Variants in OXR1 observed in about 807,000 individuals in gnomAD.
The protein encoded by OXR1 is oxidation resistance protein 1.
In OXR1, 41 loss-of-function variants were observed where a neutral mutation model predicts 104.6. The ratio of observed to expected loss-of-function variants is 0.39; its 90% CI spans 0.31 to 0.51. The LOEUF (loss-of-function observed/expected upper bound fraction) is 0.51, where lower values mean the gene tolerates loss of function less well. Ranked by LOEUF, OXR1 falls within the 20% of genes least tolerant of loss-of-function variation. The pLI is 0.77. For synonymous variants in OXR1, 348 were observed against 348.4 expected (o/e 1.00, Z 0.01); for missense variants, 955 against 1,031.9 (o/e 0.93, Z 1.02).
intron 2 of OXR1, among the ~76,000 whole-genome samples, chr8:106,452,034 C>T (rs1388825499): frequency 2.6e-5 from 4 of 152,194 alleles, no homozygotes; most frequent in South Asian, 4.1e-4. Context: ...GTTTGGGGTC[C>T]CAGAGGCTAG....
At chr8:106,367,345 G>A (rs1816516331) in intron 2 of OXR1, among the ~76,000 whole-genome samples, 1 of 151,998 alleles carries the variant, frequency 6.6e-6, no homozygotes, top group African/African-American at 2.4e-5. Flanking sequence ...TTACAGACAT[G>A]AGCCACCACG....
chr8:106,359,881 A>C (rs1209378807), intron 2 of OXR1, among the ~76,000 whole-genome samples: 1 of 152,164 alleles, frequency 6.6e-6, no homozygotes, highest in African/African-American at 2.4e-5. Flanking sequence ...GTGACCTCCA[A>C]TACCTTTCTT....
At chr8:106,470,164 T>C (rs1292502081) in intron 2 of OXR1, among the ~76,000 whole-genome samples, 1 of 151,792 alleles carries the variant, frequency 6.6e-6, no homozygotes, top group Non-Finnish European at 1.5e-5. Context: ...GGACTTTGGT[T>C]ATTTTTCAGA....
At chr8:106,650,598 A>G (rs1036231323) in intron 3 of OXR1, among the ~76,000 whole-genome samples, 3 of 152,316 alleles carry the variant, frequency 2.0e-5, no homozygotes, top group Non-Finnish European at 4.4e-5. Flanking sequence ...TTTAACTTAA[A>G]AAATCATTTT....
At chr8:106,280,217 T>C (rs1812220649) in intron 1 of OXR1, among the ~76,000 whole-genome samples, 1 of 152,182 alleles carries the variant, frequency 6.6e-6, no homozygotes, top group African/African-American at 2.4e-5. Context: ...CTTGAGTGTA[T>C]TATCTCAACA....
At chr8:106,403,085 G>T (rs1383045498) in intron 2 of OXR1, among the ~76,000 whole-genome samples, 3 of 152,292 alleles carry the variant, frequency 2.0e-5, no homozygotes, top group Admixed American at 2.0e-4. Context: ...CTCCCGAAGG[G>T]GTCCTGATTC....
At chr8:106,637,923 G>A (rs368624549) in intron 3 of OXR1, among the ~76,000 whole-genome samples, 146 of 151,956 alleles carry the variant, frequency 9.6e-4, no homozygotes, top group African/African-American at 3.3e-3. Flanking sequence ...CACCATGCCC[G>A]GCTACTTTTT....
intron 2 of OXR1, among the ~76,000 whole-genome samples, chr8:106,437,962 G>A (rs939967018): frequency 7.2e-5 from 11 of 152,094 alleles, no homozygotes; most frequent in Non-Finnish European, 1.5e-4. Context: ...ACTACTGGGG[G>A]CTTATACACT....
chr8:106,317,917 T>C (rs1336306321), intron 1 of OXR1, among the ~76,000 whole-genome samples: 1 of 152,094 alleles, frequency 6.6e-6, no homozygotes, highest in Non-Finnish European at 1.5e-5. Context: ...ATCTTCCTTC[T>C]GCTCATGAAA....
intron 3 of OXR1, among the ~76,000 whole-genome samples, chr8:106,644,760 T>C (rs1823935531): frequency 6.6e-6 from 1 of 152,158 alleles, no homozygotes; most frequent in Non-Finnish European, 1.5e-5. Flanking sequence ...TCGGAAGTCA[T>C]TGTGTGACTC....
At chr8:106,675,330 A>G (rs1453497656) in intron 3 of OXR1, among the ~76,000 whole-genome samples, 1 of 152,192 alleles carries the variant, frequency 6.6e-6, no homozygotes, top group Non-Finnish European at 1.5e-5. Flanking sequence ...GGATATGTAA[A>G]TACATGTGTG....
intron 3 of OXR1, among the ~76,000 whole-genome samples, chr8:106,666,492 T>C (rs1400585018): frequency 6.6e-6 from 1 of 152,206 alleles, no homozygotes; most frequent in Non-Finnish European, 1.5e-5. Context: ...TAAGACAGAC[T>C]TTATTCAGGA....
chr8:106,300,131 A>T (rs1813168321), intron 1 of OXR1, among the ~76,000 whole-genome samples: 2 of 152,164 alleles, frequency 1.3e-5, no homozygotes, highest in Non-Finnish European at 2.9e-5. Context: ...AAATGCAATA[A>T]GAGAAATTGG....
At chr8:106,363,324 G>C (rs1213422386) in intron 2 of OXR1, among the ~76,000 whole-genome samples, 5 of 152,180 alleles carry the variant, frequency 3.3e-5, no homozygotes, top group Non-Finnish European at 5.9e-5. Flanking sequence ...TGCAGAATGT[G>C]TTTGAAAACA....
chr8:106,317,641 G>A (rs376097009), intron 1 of OXR1, among the ~76,000 whole-genome samples: 1 of 152,014 alleles, frequency 6.6e-6, no homozygotes, highest in Non-Finnish European at 1.5e-5. Context: ...AAACAGGGGG[G>A]CCCCTCTCCC....
chr8:106,315,532 C>T (rs150152558), intron 1 of OXR1, among the ~76,000 whole-genome samples: 1 of 152,234 alleles, frequency 6.6e-6, no homozygotes, highest in African/African-American at 2.4e-5. Context: ...TTTTCTGATA[C>T]TAAGACAATG....
intron 3 of OXR1, among the ~76,000 whole-genome samples, chr8:106,625,483 G>C (rs1822071506): frequency 6.6e-6 from 1 of 152,162 alleles, no homozygotes; most frequent in East Asian, 1.9e-4. Context: ...AGGCAACCTT[G>C]GTTTGTTCTA....
intron 1 of OXR1, among the ~76,000 whole-genome samples, chr8:106,324,463 C>A (rs1408045255): frequency 6.6e-6 from 1 of 151,220 alleles, no homozygotes; most frequent in Non-Finnish European, 1.5e-5. Flanking sequence ...CCCCCCTACA[C>A]GTGTTTACCT....
intron 4 of OXR1, among the ~76,000 whole-genome samples, chr8:106,680,357 C>T (rs1828027576): frequency 6.6e-6 from 1 of 151,976 alleles, no homozygotes; most frequent in African/African-American, 2.4e-5. Flanking sequence ...TCTGCAGTGC[C>T]AATATGAAAA....
Sources: gnomAD v4.1 joint callset for allele counts (sites outside exome capture counted in the v4.1 genomes callset) on GRCh38, gnomAD v4.1.1 for gene constraint, MANE v1.5 for transcripts, NCBI Gene and HGNC (gene_info 2026-07-23, HGNC 2026-07-21) for gene names.